Variants in SCD5 observed in about 807,000 individuals in gnomAD.
SCD5 encodes stearoyl-CoA desaturase 5.
Under a neutral mutation model 30.4 loss-of-function variants are expected in SCD5, and 20 were observed. The observed-to-expected ratio is 0.66, with a 90% CI of 0.46 to 0.96. The LOEUF (loss-of-function observed/expected upper bound fraction) is 0.96. Among genes scored for constraint, SCD5 ranks in the 40% least tolerant of loss-of-function variants. The pLI is 0.00. For synonymous variants in SCD5, 173 were observed against 176.4 expected (o/e 0.98, Z 0.16); for missense variants, 381 against 443.3 (o/e 0.86, Z 1.26).
chr4:82,794,026 G>A (rs1198185910), intron 1 of SCD5, among the ~76,000 whole-genome samples: 2 of 152,146 alleles, frequency 1.3e-5, no homozygotes, highest in Non-Finnish European at 2.9e-5. Flanking sequence ...TCATCTTTGG[G>A]CAAATTTCAG....
At chr4:82,642,997 G>A (rs1727574903) in intron 3 of SCD5, among the ~76,000 whole-genome samples, 1 of 152,156 alleles carries the variant, frequency 6.6e-6, no homozygotes, top group African/African-American at 2.4e-5. Flanking sequence ...TTGGTTTAAG[G>A]CAATTTTGGT....
chr4:82,798,240 A>G (rs1344838367), intron 1 of SCD5, 66 bp downstream of exon 1: 1 of 1,271,676 alleles, frequency 7.9e-7, no homozygotes. Context: ...GCGAGCGGCG[A>G]CCTCGCGCGC....
intron 3 of SCD5, among the ~76,000 whole-genome samples, chr4:82,656,608 A>G (rs1727872796): frequency 1.3e-5 from 2 of 152,206 alleles, no homozygotes; most frequent in Admixed American, 1.3e-4. Context: ...TCCTTTGGGC[A>G]TATACCCTGT....
intron 3 of SCD5, among the ~76,000 whole-genome samples, chr4:82,650,479 T>C (rs915710052): frequency 1.9e-4 from 29 of 152,318 alleles, no homozygotes; most frequent in African/African-American, 5.1e-4. Flanking sequence ...GTGGATTACC[T>C]GAGCCCAGGA....
chr4:82,730,116 C>T (rs1720595405), intron 1 of SCD5, among the ~76,000 whole-genome samples: 1 of 151,442 alleles, frequency 6.6e-6, no homozygotes, highest in Non-Finnish European at 1.5e-5. Context: ...GTTTCTCTTG[C>T]TAATCTGTCT....
At chr4:82,760,799 C>T (rs1370392464) in intron 1 of SCD5, among the ~76,000 whole-genome samples, 2 of 152,202 alleles carry the variant, frequency 1.3e-5, no homozygotes, top group Non-Finnish European at 2.9e-5. Flanking sequence ...CCTTGTATGG[C>T]AATTCATTCT....
At chr4:82,720,441 T>TAAAAAAAAAAAAAAAAAAAAAAAAA (rs1553917690) in intron 1 of SCD5, among the ~76,000 whole-genome samples, 1 of 77,940 alleles carries the variant, frequency 1.3e-5, no homozygotes, top group African/African-American at 5.3e-5. Context: ...AAGGCAAAAA[T>TAAAAAAAAAAAAAAAAAAAAAAAAA]AAAAAAAAAA....
chr4:82,631,202 C>A lies in SCD5; in HGVS notation c.*125G>T. On this transcript the variant is annotated 3_prime_UTR_variant, in exon 5 of 5. Coordinates refer to ENST00000319540, the MANE Select transcript of SCD5 (RefSeq NM_001037582.3). ...TGAGATAAACAAAAACATTCCCAAA[C>A]CACATTGACTCGTTCCTTCCCCACC... The A allele has an allele frequency of 4.4e-6, 3 of 677,008 alleles. No homozygotes were observed. The highest frequency in any genetic ancestry group is 3.2e-5 in the South Asian group (1 of 30,862). The allele number at this position is 677,008 out of a possible 1,614,324, so 41.9% of individuals were successfully genotyped here.
At chr4:82,745,136 T>C (rs1053845436) in intron 1 of SCD5, among the ~76,000 whole-genome samples, 6 of 152,170 alleles carry the variant, frequency 3.9e-5, no homozygotes, top group African/African-American at 1.2e-4. Context: ...CAACAAAAGA[T>C]GTCACAGGGT....
chr4:82,731,001 G>A (rs1720632639), intron 1 of SCD5, among the ~76,000 whole-genome samples: 1 of 152,038 alleles, frequency 6.6e-6, no homozygotes, highest in South Asian at 2.1e-4. Context: ...TCCTGCTTGG[G>A]GTACACAGGA....
chr4:82,755,524 G>A (rs1721216249), intron 1 of SCD5, among the ~76,000 whole-genome samples: 1 of 151,976 alleles, frequency 6.6e-6, no homozygotes, highest in Non-Finnish European at 1.5e-5. Flanking sequence ...AGAAAGAAAG[G>A]GGTGGTGTAG....
intron 2 of SCD5, among the ~76,000 whole-genome samples, chr4:82,694,309 G>T (rs1333277553): frequency 6.6e-6 from 1 of 152,162 alleles, no homozygotes; most frequent in Non-Finnish European, 1.5e-5. Flanking sequence ...GTTCCCACAG[G>T]CATCATGTTC....
intron 1 of SCD5, among the ~76,000 whole-genome samples, chr4:82,741,052 C>T (rs1049928973): frequency 1.3e-5 from 2 of 152,112 alleles, no homozygotes; most frequent in Non-Finnish European, 2.9e-5. Context: ...AGTGATCCTC[C>T]CACCTCAGCC....
At chr4:82,784,937 T>C (rs1194033366) in intron 1 of SCD5, among the ~76,000 whole-genome samples, 1 of 152,228 alleles carries the variant, frequency 6.6e-6, no homozygotes, top group Non-Finnish European at 1.5e-5. Context: ...AGGCAGCAGC[T>C]ATTCACTATT....
intron 1 of SCD5, among the ~76,000 whole-genome samples, chr4:82,752,374 G>A (rs1008905399): frequency 1.3e-5 from 2 of 152,060 alleles, no homozygotes; most frequent in East Asian, 1.9e-4. Context: ...GTGGGAATAG[G>A]TGGGAAGAAG....
intron 2 of SCD5, among the ~76,000 whole-genome samples, chr4:82,700,326 C>G (rs1315264391): frequency 1.3e-5 from 2 of 151,992 alleles, no homozygotes; most frequent in Non-Finnish European, 2.9e-5. Context: ...AAACTCCAAG[C>G]AGGATACATA....
chr4:82,660,471 C>A, intron 3 of SCD5: 2 of 958,268 alleles, frequency 2.1e-6, no homozygotes, highest in Admixed American at 5.3e-5. Flanking sequence ...TTTTTAGAAC[C>A]TAAAGTTTTT....
At chr4:82,703,850 T>A (rs531143969) in intron 2 of SCD5, among the ~76,000 whole-genome samples, 1 of 152,342 alleles carries the variant, frequency 6.6e-6, no homozygotes, top group South Asian at 2.1e-4. Flanking sequence ...GTCCTCAACG[T>A]CATCTAAGAC....
chr4:82,775,123 T>C (rs1578063314), intron 1 of SCD5, among the ~76,000 whole-genome samples: 2 of 152,218 alleles, frequency 1.3e-5, no homozygotes, highest in Non-Finnish European at 2.9e-5. Context: ...AGCAAAGCCA[T>C]TGCTTCTGCC....
Sources: allele counts gnomAD v4.1 joint callset (sites outside exome capture counted in the v4.1 genomes callset), GRCh38; gene constraint gnomAD v4.1.1; transcripts MANE v1.5; gene names NCBI Gene and HGNC (gene_info 2026-07-23, HGNC 2026-07-21).